The following NAGPA variants were observed in gnomAD, a reference collection of about 807,000 sequenced individuals.
The protein encoded by NAGPA is alpha-N-acetylglucosaminyl phosphodiesterase.
Under a neutral mutation model 48.5 loss-of-function variants are expected in NAGPA, and 56 were observed. That is an observed-to-expected ratio of 1.15 (90% CI 0.93 to 1.44). The LOEUF is 1.44. NAGPA is among the 40% of genes most tolerant of loss of function. NAGPA has a pLI of 0.00. For synonymous variants in NAGPA, 399 were observed against 315.5 expected, an observed-to-expected ratio of 1.26 and a Z score of -2.81; for missense variants, 888 against 735.0, an observed-to-expected ratio of 1.21 and a Z score of -2.41.
intron 4 of NAGPA, chr16:5,030,116 T>A (rs1956073565): frequency 3.6e-6 from 2 of 560,954 alleles, no homozygotes; most frequent in Admixed American, 6.1e-5. Context: ...AACCAAGATC[T>A]TCTCCCTGCT....
At position 5,030,382 on chromosome 16, in the gene NAGPA, C is replaced by A; in HGVS notation, c.791+3G>T. 1 of 1,550,696 alleles carries A rather than the reference C, an allele frequency of 6.4e-7. No homozygotes were observed. Among genetic ancestry groups the A allele is most frequent in the Non-Finnish European group, 8.7e-7 (1 of 1,146,884 alleles). On this transcript the variant is annotated splice_donor_region_variant and intron_variant, in intron 4 of 9. Coordinates refer to ENST00000312251, the MANE Select transcript of NAGPA (RefSeq NM_016256.4). ...CCGGGGGGCCTCAGCTCCCAGGACT[C>A]ACCCACGCTGCTCCGTTTGGCCGTC...
In NAGPA at chr16:5,025,360, C is replaced by G. The variant is rs971403556; in HGVS notation, c.*118G>C. On this transcript the variant is annotated 3_prime_UTR_variant, in exon 10 of 10. Transcript: ENST00000312251. ...AAGTGCTATCAGGAACTTGGCTGCC[C>G]CACAGGGGCTGAGGACACCCAGATG... 1 of 1,286,482 alleles carries G rather than the reference C, an allele frequency of 7.8e-7. No homozygotes were observed. The highest frequency in any genetic ancestry group is 1.3e-5 in the South Asian group (1 of 74,514). The allele number at this position is 1,286,482 out of a possible 1,614,324, so 79.7% of individuals were successfully genotyped here.
At position 5,027,138 on chromosome 16, in the gene NAGPA, G is replaced by C. The variant is rs1244763579; in HGVS notation, c.1337C>G (p.Thr446Ser). The change falls in exon 9 of 10, where the codon ACC becomes AGC. Residue 446 changes from threonine (T) to serine (S), a missense_variant. By Grantham distance (58) the Thr-to-Ser change is moderately conservative. Coordinates refer to ENST00000312251, the MANE Select transcript of NAGPA (RefSeq NM_016256.4). ...CAGCTCCCACAGAAGCACCTACCTG[G>C]TGAAAAAGGAGAGTTCTCCCGCCCT... ...TLRAGELSFF[T>S]RTAWLALTLA... 6.2e-7 allele frequency: 1 copy of C among 1,614,178 alleles called. No individual in the cohort carries two copies. Among genetic ancestry groups the C allele is most frequent in the Non-Finnish European group, 8.5e-7 (1 of 1,180,038 alleles).
At chr16:5,032,493 T>TCCC (rs149529706) in intron 2 of NAGPA, among the ~76,000 whole-genome samples, 5 of 148,810 alleles carry the variant, frequency 3.4e-5, no homozygotes, top group African/African-American at 2.5e-5. Flanking sequence ...ACTCCCCCGT[T>TCCC]CCCCACCCCA....
rs907571048 is a variant in NAGPA, at chr16:5,025,113, G to A, written c.*365C>T. 9.8e-5 allele frequency: 31 copies of A among 314,984 alleles called. No individual in the cohort carries two copies. The highest frequency in any genetic ancestry group is 1.7e-4 in the Non-Finnish European group (28 of 163,658). 19.5% of individuals were successfully genotyped at this position (314,984 alleles called of 1,614,324 possible). On this transcript the variant is annotated 3_prime_UTR_variant, in exon 10 of 10. Coordinates refer to ENST00000312251, the MANE Select transcript of NAGPA (RefSeq NM_016256.4). ...TCCAGCCAGGGGTGCTGGCCAGGATGTGCTGTTCTGTCATGACGTGGTCAC... is the reference window on the plus strand; with the variant it reads ...TCCAGCCAGGGGTGCTGGCCAGGATATGCTGTTCTGTCATGACGTGGTCAC...
rs759113167 is a variant in NAGPA, at chr16:5,025,619, C to T, written c.1407G>A (p.Leu469=). ...FLLLISTAAN[L]SLLLSRAERN... is the part of the protein sequence containing the mutation. ...TCTCTGCTCTGGACAGGAGCAAGGA[C>T]AGGTTTGCTGCAGTGCTGATCAGCA... Residue 469 remains leucine, a synonymous_variant, in exon 10 of 10, where the codon CTG becomes CTA. Transcript: ENST00000312251. The T allele has an allele frequency of 6.2e-7, 1 of 1,613,928 alleles. No individual in the cohort carries two copies. The highest frequency in any genetic ancestry group is 8.5e-7 in the Non-Finnish European group (1 of 1,180,016).
At chr16:5,032,092 C>T (rs1956110855) in intron 2 of NAGPA, among the ~76,000 whole-genome samples, 1 of 152,144 alleles carries the variant, frequency 6.6e-6, no homozygotes, top group African/African-American at 2.4e-5. Context: ...TCTGACAATA[C>T]AATCCCCACA....
rs1311931778 is a variant in NAGPA, at chr16:5,027,967, A to G, written c.1126+13T>C. The G allele has an allele frequency of 2.5e-6, 4 of 1,595,344 alleles. No homozygotes were observed. Among genetic ancestry groups the G allele is most frequent in the East Asian group, 2.3e-5 (1 of 44,116 alleles). On this transcript the variant is annotated intron_variant, in intron 6 of 9. Coordinates refer to ENST00000312251, the MANE Select transcript of NAGPA (RefSeq NM_016256.4). ...GGGCTGGGCAGAGCCCCCTCCCCAGAACCCCCACTCACTCTCCGTGCACAG... is the reference window on the plus strand; with the variant it reads ...GGGCTGGGCAGAGCCCCCTCCCCAGGACCCCCACTCACTCTCCGTGCACAG...
At chr16:5,032,703 G>A (rs1382337173) in intron 2 of NAGPA, among the ~76,000 whole-genome samples, 1 of 151,826 alleles carries the variant, frequency 6.6e-6, no homozygotes, top group Non-Finnish European at 1.5e-5. Context: ...CATCAGTCTT[G>A]ATGAGTTGAT....
chr16:5,030,350 G>GC, intron 4 of NAGPA, 35 bp downstream of exon 4: 1 of 1,533,360 alleles, frequency 6.5e-7, no homozygotes, highest in South Asian at 1.2e-5. Context: ...GCAGGACTGA[G>GC]CCCCGGCCGG....
intron 4 of NAGPA, 124 bp downstream of exon 4, chr16:5,030,261 G>A (rs1033570558): frequency 6.9e-6 from 6 of 870,384 alleles, no homozygotes; most frequent in Middle Eastern, 3.2e-4. Flanking sequence ...GGCCCTGGGA[G>A]GGGGGACAGA....
intron 7 of NAGPA, 98 bp downstream of exon 7, chr16:5,027,748 T>G: frequency 1.3e-6 from 2 of 1,510,046 alleles, no homozygotes; most frequent in East Asian, 4.9e-5. Flanking sequence ...AGGCAAGCAT[T>G]TCCCAGACCA....
At chr16:5,026,544 GT>G (rs1355387233) in intron 9 of NAGPA, among the ~76,000 whole-genome samples, 1 of 151,886 alleles carries the variant, frequency 6.6e-6, no homozygotes, top group Non-Finnish European at 1.5e-5. Context: ...AAAAAAAAAA[GT>G]TTAAAAAAAT....
intron 7 of NAGPA, 138 bp downstream of exon 7, chr16:5,027,708 T>C (rs1956027049): frequency 3.9e-6 from 5 of 1,275,400 alleles, no homozygotes; most frequent in South Asian, 1.3e-5. Context: ...CACACAGTGA[T>C]GTGCAGGTGA....
rs1567136748 is a variant in NAGPA at position 5,025,070 on chromosome 16, CTCGT to C, written c.*404_*407del. 1 of 229,430 alleles carries C rather than the reference CTCGT, an allele frequency of 4.4e-6. No homozygotes were observed. Among genetic ancestry groups the C allele is most frequent in the Non-Finnish European group, 8.7e-6 (1 of 114,560 alleles). 14.2% of individuals were successfully genotyped at this position (229,430 alleles called of 1,614,324 possible). A position where few individuals can be genotyped will look rare whatever the true frequency, so the allele number is the denominator to read the frequency against. Reference sequence around the variant, plus strand: ...CCCGTGTCACAGCCAGGAAGGCAGACTCGTCCCTTTAACCCACTCCAGCCAGGGG... The same window carrying C: ...CCCGTGTCACAGCCAGGAAGGCAGACCCCTTTAACCCACTCCAGCCAGGGG... On this transcript the variant is annotated 3_prime_UTR_variant, in exon 10 of 10. Transcript: ENST00000312251.
intron 4 of NAGPA, 45 bp from the exon 5 acceptor site, chr16:5,029,053 T>C (rs931719235): frequency 2.2e-5 from 35 of 1,607,532 alleles, no homozygotes; most frequent in Non-Finnish European, 2.8e-5. Context: ...CCCACCATCA[T>C]TTCTCATTTA....
At chr16:5,028,763 C>A in intron 5 of NAGPA, 117 bp downstream of exon 5, 1 of 1,536,004 alleles carries the variant, frequency 6.5e-7, no homozygotes, top group Non-Finnish European at 8.9e-7. Context: ...GCAGCAATTT[C>A]TGCTCTCTTG....
Position 5,027,267 on chromosome 16 carries a change from G to A in NAGPA, c.1276+11C>T. 5 of 1,614,210 alleles carry A rather than the reference G, an allele frequency of 3.1e-6. No homozygotes were observed. Among genetic ancestry groups the A allele is most frequent in the Non-Finnish European group, 3.4e-6 (4 of 1,180,016 alleles). Reference sequence around the variant, plus strand: ...GTCTGCCCATACCCCTCCCCTTGGAGGGATAGGTACCTCTGGAGACGCTGC... The same window carrying A: ...GTCTGCCCATACCCCTCCCCTTGGAAGGATAGGTACCTCTGGAGACGCTGC... On this transcript the variant is annotated intron_variant, in intron 8 of 9. Coordinates refer to ENST00000312251, the MANE Select transcript of NAGPA (RefSeq NM_016256.4).
intron 2 of NAGPA, among the ~76,000 whole-genome samples, chr16:5,032,105 C>G (rs1039314046): frequency 2.0e-5 from 3 of 152,090 alleles, no homozygotes; most frequent in South Asian, 2.1e-4. Context: ...TCCCCACAAG[C>G]CTTTGCAAAC....
Sources: allele counts gnomAD v4.1 joint callset (sites outside exome capture counted in the v4.1 genomes callset), GRCh38; gene constraint gnomAD v4.1.1; transcripts MANE v1.5; gene names NCBI Gene and HGNC (gene_info 2026-07-23, HGNC 2026-07-21).